AOAH: variants seen among roughly 807,000 people sequenced by gnomAD.
AOAH encodes the protein acyloxyacyl hydrolase (neutrophil).
Under a neutral mutation model 92.2 loss-of-function variants are expected in AOAH, and 64 were observed. The observed-to-expected ratio is 0.69, with a 90% CI of 0.57 to 0.86. The LOEUF is 0.86. AOAH is among the 40% of genes least tolerant of loss of function. AOAH has a pLI of 0.00. For missense variants in AOAH, 656 were observed against 694.6 expected, an observed-to-expected ratio of 0.94 and a Z score of 0.62; for synonymous variants, 263 against 254.5, an observed-to-expected ratio of 1.03 and a Z score of -0.32.
intron 3 of AOAH, among the ~76,000 whole-genome samples, chr7:36,665,582 GA>G (rs1321777206): frequency 6.6e-6 from 1 of 152,122 alleles, no homozygotes; most frequent in African/African-American, 2.4e-5. Flanking sequence ...GTACAATGTT[GA>G]AAAGAGTGGT....
chr7:36,548,544 G>A, intron 15 of AOAH, 68 bp downstream of exon 15: 1 of 1,307,004 alleles, frequency 7.7e-7, no homozygotes, highest in Non-Finnish European at 1.1e-6. Flanking sequence ...GAGTGGAGTT[G>A]GTGAGGAGAG....
At chr7:36,711,132 A>G (rs1263693294) in intron 1 of AOAH, among the ~76,000 whole-genome samples, 4 of 152,170 alleles carry the variant, frequency 2.6e-5, no homozygotes, top group African/African-American at 9.7e-5. Flanking sequence ...AATTACTGAG[A>G]AGGAAATATA....
Position 36,512,965 on chromosome 7 carries a change from A to G in AOAH, c.*287T>C. The stretch of plus-strand genomic sequence containing the variant: ...AGTGTTTTTAGAAACTCCTTTTAGA[A>G]CAATTAGCTGTAAAGGGCACAGATA... On this transcript the variant is annotated 3_prime_UTR_variant, in exon 21 of 21. Coordinates refer to ENST00000617537, the MANE Select transcript of AOAH (RefSeq NM_001637.4). The G allele has an allele frequency of 7.7e-7, 1 of 1,303,816 alleles. No homozygotes were observed. The highest frequency in any genetic ancestry group is 1.0e-6 in the Non-Finnish European group (1 of 959,408). The allele number at this position is 1,303,816 out of a possible 1,614,324, so 80.8% of individuals were successfully genotyped here.
chr7:36,533,094 C>T (rs182746842), intron 16 of AOAH, among the ~76,000 whole-genome samples: 76 of 152,292 alleles, frequency 5.0e-4, no homozygotes, highest in Admixed American at 1.2e-3. Flanking sequence ...TTTTTCTGAA[C>T]ATCAGCTATA....
chr7:36,718,524 T>C lies in AOAH; in HGVS notation c.127+5498A>G, dbSNP rs141324308. ...TACATGAATATTCATAGCAGAATTATTCATAATTACCAAGAAGTGAAAACA... is the reference window on the plus strand; with the variant it reads ...TACATGAATATTCATAGCAGAATTACTCATAATTACCAAGAAGTGAAAACA... On this transcript the variant is annotated intron_variant, in intron 1 of 20. Transcript: ENST00000617537. Among the ~76,000 whole-genome samples, 1,068 of 152,322 alleles carry C rather than the reference T, an allele frequency of 7.0e-3. 5 individuals are homozygous for C. The highest frequency in any genetic ancestry group is 0.011 in the Non-Finnish European group (726 of 68,028).
chr7:36,638,720 G>A (rs1180711503), intron 4 of AOAH, among the ~76,000 whole-genome samples: 1 of 152,174 alleles, frequency 6.6e-6, no homozygotes, highest in East Asian at 1.9e-4. Flanking sequence ...TACCTGTACA[G>A]CCCTGAAGTA....
chr7:36,660,999 C>G (rs1795186406), intron 3 of AOAH: 1 of 152,146 alleles, frequency 6.6e-6, no homozygotes, highest in Non-Finnish European at 1.5e-5. Context: ...ACAACAAAAA[C>G]AAACAAATCC....
At chr7:36,652,150 T>A (rs1794614644) in intron 4 of AOAH, among the ~76,000 whole-genome samples, 1 of 151,674 alleles carries the variant, frequency 6.6e-6, no homozygotes, top group Non-Finnish European at 1.5e-5. Flanking sequence ...GATAACAAGA[T>A]GAGCCTGGAT....
At position 36,513,011 on chromosome 7, in the gene AOAH, C is replaced by T. The variant is rs1452357126; in HGVS notation, c.*241G>A. Reference sequence around the variant, plus strand: ...AGATACTCTCTTGTTTGGAATGGCACCCAAAGCACTTTATGAAAGGTTATT... The same window carrying T: ...AGATACTCTCTTGTTTGGAATGGCATCCAAAGCACTTTATGAAAGGTTATT... On this transcript the variant is annotated 3_prime_UTR_variant, in exon 21 of 21. Transcript: ENST00000617537. 7 of 1,521,542 alleles carry T rather than the reference C, an allele frequency of 4.6e-6. No individual in the cohort carries two copies. Among genetic ancestry groups the T allele is most frequent in the Middle Eastern group, 1.7e-4 (1 of 5,924 alleles). The allele number at this position is 1,521,542 out of a possible 1,614,324, so 94.3% of individuals were successfully genotyped here.
At chr7:36,658,781 G>T (rs1241391991) in intron 4 of AOAH, among the ~76,000 whole-genome samples, 2 of 152,166 alleles carry the variant, frequency 1.3e-5, no homozygotes, top group African/African-American at 4.8e-5. Context: ...GATTTCCCAA[G>T]ATGTGGGGCT....
intron 11 of AOAH, among the ~76,000 whole-genome samples, chr7:36,607,070 C>T (rs1005605118): frequency 3.9e-5 from 6 of 152,146 alleles, no homozygotes; most frequent in African/African-American, 4.8e-5. Context: ...ACAGGACTCC[C>T]GGGTGCCCCA....
intron 1 of AOAH, among the ~76,000 whole-genome samples, chr7:36,709,680 TA>T (rs1798639568): frequency 8.6e-6 from 1 of 115,736 alleles, no homozygotes; most frequent in African/African-American, 3.1e-5. Context: ...AGGGTCATTT[TA>T]AAAGACAGAT....
chr7:36,620,578 A>T (rs145584936), intron 9 of AOAH, among the ~76,000 whole-genome samples: 149 of 152,356 alleles, frequency 9.8e-4, no homozygotes, highest in Middle Eastern at 3.4e-3. Context: ...AGGGGCCATG[A>T]CTGAGAAAGC....
At chr7:36,670,280 T>C (rs1795836548) in intron 3 of AOAH, among the ~76,000 whole-genome samples, 1 of 152,178 alleles carries the variant, frequency 6.6e-6, no homozygotes, top group African/African-American at 2.4e-5. Flanking sequence ...TCTCGAGCTG[T>C]GTCTGATGGC....
chr7:36,534,894 C>T (rs1428783710), intron 16 of AOAH, among the ~76,000 whole-genome samples: 1 of 150,262 alleles, frequency 6.7e-6, no homozygotes, highest in African/African-American at 2.5e-5. Flanking sequence ...CTCTGTGTGT[C>T]TTCGTGTGTG....
Position 36,529,396 on chromosome 7 carries a change from C to G in AOAH, c.1522+1022G>C, listed in dbSNP as rs187837645. On this transcript the variant is annotated intron_variant, in intron 19 of 20. Coordinates refer to ENST00000617537, the MANE Select transcript of AOAH (RefSeq NM_001637.4). ...TGCATTTTAATGAGAAGTTATTTAT[C>G]AAAATGTCTCTCCCCACGAGAGAAA... 7.0e-3 allele frequency among the ~76,000 whole-genome samples: 1,071 copies of G among 152,228 alleles called. 11 individuals carry two copies. The highest frequency in any genetic ancestry group is 0.025 in the African/African-American group (1,021 of 41,522).
At chr7:36,697,384 T>C (rs531594177) in intron 1 of AOAH, among the ~76,000 whole-genome samples, 8 of 152,228 alleles carry the variant, frequency 5.3e-5, no homozygotes, top group Admixed American at 2.6e-4. Flanking sequence ...ATTTTTAGGA[T>C]AGACTCTACT....
chr7:36,527,578 G>A (rs980838146), intron 19 of AOAH, among the ~76,000 whole-genome samples: 5 of 152,168 alleles, frequency 3.3e-5, no homozygotes, highest in Non-Finnish European at 5.9e-5. Context: ...TCATACACAC[G>A]GATGATGGTG....
chr7:36,594,466 GTCATT>G (rs1583896958), intron 11 of AOAH, 36 bp from the exon 12 acceptor site: 1 of 1,545,936 alleles, frequency 6.5e-7, no homozygotes, highest in Middle Eastern at 1.7e-4. Flanking sequence ...TATCAAAATG[GTCATT>G]TATTTTCTAA....
Sources: allele counts gnomAD v4.1 joint callset (sites outside exome capture counted in the v4.1 genomes callset), GRCh38; gene constraint gnomAD v4.1.1; transcripts MANE v1.5; gene names NCBI Gene and HGNC (gene_info 2026-07-23, HGNC 2026-07-21).